Variants in PRKAG2 observed in about 807,000 individuals in gnomAD.
PRKAG2 encodes the protein protein kinase AMP-activated non-catalytic subunit gamma 2.
A neutral mutation model predicts 69.6 loss-of-function variants in PRKAG2; 26 were observed. The ratio of observed to expected loss-of-function variants is 0.37; its 90% confidence interval spans 0.27 to 0.52. The LOEUF (loss-of-function observed/expected upper bound fraction) is 0.52, where lower values mean the gene tolerates loss of function less well. Among genes scored for constraint, PRKAG2 ranks in the 20% least tolerant of loss-of-function variants. The probability of loss-of-function intolerance (pLI) is 0.90; values close to 1 mark genes in which losing one functional copy is unlikely to be tolerated. For missense variants in PRKAG2, 557 were observed against 740.0 expected, an observed-to-expected ratio of 0.75 and a Z score of 2.87; for synonymous variants, 293 against 285.0, an observed-to-expected ratio of 1.03 and a Z score of -0.28.
chr7:151,874,525 G>GATGTATATGTATATGTAT (rs200152872), intron 1 of PRKAG2, among the ~76,000 whole-genome samples: 3 of 72,482 alleles, frequency 4.1e-5, no homozygotes, highest in African/African-American at 1.3e-4. Context: ...ATATGTATAT[G>GATGTATATGTATATGTAT]ATGTATATGT....
At chr7:151,823,041 C>T (rs1271706018) in intron 1 of PRKAG2, among the ~76,000 whole-genome samples, 12 of 151,516 alleles carry the variant, frequency 7.9e-5, no homozygotes, top group South Asian at 2.1e-4. Flanking sequence ...CCCACCCCAC[C>T]CCACAGCGGA....
chr7:151,670,169 T>C (rs2727533), intron 4 of PRKAG2, among the ~76,000 whole-genome samples: 152,019 of 152,252 alleles, frequency 1, 75,893 homozygotes, highest in Middle Eastern at 1. Flanking sequence ...CATGCCCACA[T>C]ACACCCACAC....
intron 1 of PRKAG2, among the ~76,000 whole-genome samples, chr7:151,838,772 T>C (rs373161470): frequency 2.6e-4 from 40 of 151,298 alleles, no homozygotes; most frequent in Admixed American, 1.1e-3. Flanking sequence ...CCCAACACTT[T>C]GGGCGGCTGA....
intron 4 of PRKAG2, among the ~76,000 whole-genome samples, chr7:151,666,847 T>A (rs943238457): frequency 3.4e-4 from 51 of 152,138 alleles, no homozygotes; most frequent in Non-Finnish European, 5.1e-4. Flanking sequence ...GCCCTTATTT[T>A]CTCCTGTCAG....
intron 5 of PRKAG2, among the ~76,000 whole-genome samples, chr7:151,621,998 A>G (rs1047476592): frequency 6.6e-6 from 1 of 152,142 alleles, no homozygotes; most frequent in African/African-American, 2.4e-5. Context: ...AGGTTTATCC[A>G]CTTTACTGAC....
rs2076640129 is a variant in PRKAG2 at position 151,781,016 on chromosome 7, G to A, written c.466+136C>T. On this transcript the variant is annotated intron_variant, in intron 3 of 15. Transcript: ENST00000287878. The surrounding 1 kb of genome is among the most constrained non-coding windows in gnomAD (Gnocchi z 6.1). Reference sequence around the variant, plus strand: ...TTGTTTAGGGGGAAGTGGGGGTGGGGAGAAACAGATACAGGCACTCAGCAC... The same window carrying A: ...TTGTTTAGGGGGAAGTGGGGGTGGGAAGAAACAGATACAGGCACTCAGCAC... 8.5e-7 allele frequency: 1 copy of A among 1,179,812 alleles called. No homozygotes were observed. Among genetic ancestry groups the A allele is most frequent in the Non-Finnish European group, 1.2e-6 (1 of 804,970 alleles). The allele number at this position is 1,179,812 out of a possible 1,614,324, so 73.1% of individuals were successfully genotyped here.
chr7:151,852,418 C>T (rs2079593860), intron 1 of PRKAG2, among the ~76,000 whole-genome samples: 1 of 152,098 alleles, frequency 6.6e-6, no homozygotes, highest in Admixed American at 6.5e-5. Context: ...TTGCTTGAAC[C>T]CAGGGGGTGG....
intron 4 of PRKAG2, among the ~76,000 whole-genome samples, chr7:151,658,420 G>T (rs952628123): frequency 6.7e-6 from 1 of 149,278 alleles, no homozygotes; most frequent in Admixed American, 6.7e-5. Flanking sequence ...GGGAGGCAAA[G>T]GTTGCAGTAA....
intron 6 of PRKAG2, among the ~76,000 whole-genome samples, chr7:151,582,399 G>C (rs569811373): frequency 1.3e-5 from 2 of 152,208 alleles, no homozygotes; most frequent in African/African-American, 4.8e-5. Context: ...TGATCCTCCT[G>C]CCTCTGCCTC....
chr7:151,747,918 C>CTTT (rs34915377), intron 3 of PRKAG2, among the ~76,000 whole-genome samples: 8 of 114,236 alleles, frequency 7.0e-5, no homozygotes, highest in South Asian at 2.8e-4. Context: ...AAAAAACTTA[C>CTTT]TTTTTTTTTT....
At position 151,618,771 on chromosome 7, in the gene PRKAG2, T is replaced by C. The variant is rs1456944005; in HGVS notation, c.754+13298A>G. 7.2e-5 allele frequency among the ~76,000 whole-genome samples: 11 copies of C among 151,874 alleles called. No homozygotes were observed. The South Asian group carries it at 1.9e-3, about 26-fold the overall frequency. ...CAGAGAGAGATTCCGTCTCAAAAAA[T>C]AAAATAAAATAAAAACCCCTAAGTT... On this transcript the variant is annotated intron_variant, in intron 5 of 15. Transcript: ENST00000287878.
At position 151,567,061 on chromosome 7, in the gene PRKAG2, C is replaced by T. The variant is rs1211161305; in HGVS notation, c.1234-1176G>A. Among the ~76,000 whole-genome samples the T allele has an allele frequency of 6.6e-6, 1 of 152,126 alleles. No individual in the cohort carries two copies. The highest frequency in any genetic ancestry group is 1.5e-5 in the Non-Finnish European group (1 of 68,024). On this transcript the variant is annotated intron_variant, in intron 11 of 15. Coordinates refer to ENST00000287878, the MANE Select transcript of PRKAG2 (RefSeq NM_016203.4). The surrounding 1 kb of genome is among the most constrained non-coding windows in gnomAD (Gnocchi z 4.2). ...AAAGAATGATCTCACGCTTTTACTC[C>T]CTCTTGTGCAACAGCACACTAGCAG...
intron 5 of PRKAG2, among the ~76,000 whole-genome samples, chr7:151,602,756 C>T (rs142158548): frequency 6.6e-6 from 1 of 152,224 alleles, no homozygotes; most frequent in African/African-American, 2.4e-5. Flanking sequence ...GCAGGACCTG[C>T]TGGGAGGTGA....
At chr7:151,603,648 C>T (rs995809090) in intron 5 of PRKAG2, among the ~76,000 whole-genome samples, 1 of 152,160 alleles carries the variant, frequency 6.6e-6, no homozygotes, top group African/African-American at 2.4e-5. Flanking sequence ...CCGTCCTCAT[C>T]ATCATACTGA....
chr7:151,668,312 C>T (rs560649657), intron 4 of PRKAG2, among the ~76,000 whole-genome samples: 3 of 152,316 alleles, frequency 2.0e-5, no homozygotes, highest in African/African-American at 4.8e-5. Flanking sequence ...AGCTTTCCAG[C>T]CTCCAGAATC....
chr7:151,668,059 TG>T, intron 4 of PRKAG2, among the ~76,000 whole-genome samples: 1 of 152,268 alleles, frequency 6.6e-6, no homozygotes, highest in African/African-American at 2.4e-5. Context: ...TGTTGAGAGG[TG>T]GGGCCTAGTG....
chr7:151,730,203 A>G (rs1252124791), intron 3 of PRKAG2, among the ~76,000 whole-genome samples: 1 of 152,244 alleles, frequency 6.6e-6, no homozygotes, highest in Non-Finnish European at 1.5e-5. Context: ...CACTCTCACC[A>G]GGCCGTGTGG....
chr7:151,650,948 C>T (rs971726382), intron 4 of PRKAG2, among the ~76,000 whole-genome samples: 4 of 152,154 alleles, frequency 2.6e-5, no homozygotes, highest in African/African-American at 9.7e-5. Flanking sequence ...GCTTTTAAAA[C>T]CCTGAAAAAT....
At chr7:151,708,493 A>G (rs1463655159) in intron 3 of PRKAG2, among the ~76,000 whole-genome samples, 2 of 152,236 alleles carry the variant, frequency 1.3e-5, no homozygotes, top group Non-Finnish European at 2.9e-5. Flanking sequence ...TTCACTCTAC[A>G]GCCTTCTCTG....
Sources: allele counts gnomAD v4.1 joint callset (sites outside exome capture counted in the v4.1 genomes callset), GRCh38; gene constraint gnomAD v4.1.1; non-coding constraint Gnocchi (gnomAD v3.1); transcripts MANE v1.5; gene names NCBI Gene and HGNC (gene_info 2026-07-23, HGNC 2026-07-21).